PCDHGA5: variants seen among roughly 807,000 people sequenced by gnomAD.
PCDHGA5 encodes protocadherin gamma subfamily A, 5.
PCDHGA5 carries 36 observed loss-of-function variants against 56.7 expected under a neutral mutation model. The observed-to-expected ratio is 0.64, with a 90% CI of 0.49 to 0.84. The LOEUF is 0.84. Among genes scored for constraint, PCDHGA5 ranks in the 40% least tolerant of loss-of-function variants. PCDHGA5 has a pLI of 0.00. For synonymous variants in PCDHGA5, 563 were observed against 520.2 expected, an observed-to-expected ratio of 1.08 and a Z score of -1.12; for missense variants, 1,305 against 1,201.5, an observed-to-expected ratio of 1.09 and a Z score of -1.27.
At position 141,476,591 on chromosome 5, in the gene PCDHGA5, G is replaced by C. The variant is rs200254399; in HGVS notation, c.2422-18216G>C. The C allele has an allele frequency of 6.2e-7, 1 of 1,614,230 alleles. No homozygotes were observed. Among genetic ancestry groups the C allele is most frequent in the East Asian group, 2.2e-5 (1 of 44,870 alleles). On this transcript the variant is annotated intron_variant, in intron 1 of 3. Coordinates refer to ENST00000518069, the MANE Select transcript of PCDHGA5 (RefSeq NM_018918.3). This position sits in a 1 kb window ranked among gnomAD's most constrained non-coding sequence, Gnocchi z 7.6. ...GGGGACGCGCTTTCCGCTCGAGAGCGCGCACGATCCCGATGTGGGAAGCAA... is the reference window on the plus strand; with the variant it reads ...GGGGACGCGCTTTCCGCTCGAGAGCCCGCACGATCCCGATGTGGGAAGCAA...
chr5:141,439,830 C>T (rs2098134193), intron 1 of PCDHGA5: 1 of 152,352 alleles, frequency 6.6e-6, no homozygotes, highest in South Asian at 2.1e-4. Context: ...GCTGGAGCAG[C>T]AGCAACTCTA....
intron 1 of PCDHGA5, chr5:141,390,655 A>G (rs2092202484): frequency 4.9e-6 from 1 of 204,734 alleles, no homozygotes; most frequent in Non-Finnish European, 9.8e-6. Flanking sequence ...GCTTGGATAT[A>G]CCATAAATAT....
intron 1 of PCDHGA5, chr5:141,478,676 G>A (rs540780497): frequency 6.4e-7 from 1 of 1,551,522 alleles, no homozygotes; most frequent in African/African-American, 1.4e-5. Flanking sequence ...CTTTCAACTG[G>A]CCCTTCCTAG....
chr5:141,463,616 T>C (rs941383375), intron 1 of PCDHGA5, among the ~76,000 whole-genome samples: 28 of 151,762 alleles, frequency 1.8e-4, no homozygotes, highest in Non-Finnish European at 2.1e-4. Flanking sequence ...GCCCGGCTAA[T>C]TTTTTGTATT....
chr5:141,375,735 T>G, intron 1 of PCDHGA5: 1 of 1,614,254 alleles, frequency 6.2e-7, no homozygotes. Flanking sequence ...CTGAGCCTGT[T>G]TGTGCTGGAC....
rs369206085 is a variant in PCDHGA5 at position 141,490,515 on chromosome 5, G to A, written c.2422-4292G>A. On this transcript the variant is annotated intron_variant, in intron 1 of 3. Transcript: ENST00000518069. The surrounding 1 kb of genome is among the most constrained non-coding windows in gnomAD (Gnocchi z 5.4). ...CATCCCACTATATCATCGAGCTGCT[G>A]GCCAGCGATGCTGGTTCACCTTCCC... The A allele has an allele frequency of 2.3e-5, 37 of 1,613,840 alleles. No individual in the cohort carries two copies. In the Middle Eastern group the frequency reaches 1.2e-3, roughly 50 times the overall value.
chr5:141,480,380 A>C (rs1192159457), intron 1 of PCDHGA5, among the ~76,000 whole-genome samples: 3 of 151,970 alleles, frequency 2.0e-5, no homozygotes, highest in African/African-American at 4.8e-5. Context: ...GCACCACTAC[A>C]CTTCAACCAT....
chr5:141,425,221 C>T (rs2096862694), intron 1 of PCDHGA5, among the ~76,000 whole-genome samples: 1 of 152,068 alleles, frequency 6.6e-6, no homozygotes, highest in African/African-American at 2.4e-5. Context: ...TGTACTTTGA[C>T]TGGAATTAGT....
At chr5:141,417,213 G>A (rs1470553702) in intron 1 of PCDHGA5, 2 of 152,108 alleles carry the variant, frequency 1.3e-5, no homozygotes, top group African/African-American at 4.8e-5. Context: ...GGCTAGAATT[G>A]AAGACAAAAA....
At position 141,494,820 on chromosome 5, in the gene PCDHGA5, A is replaced by G; in HGVS notation, c.2435A>G (p.Asn812Ser). ...TTTTCTCCACAGCAAGCCCCGCCCA[A>G]CACGGACTGGCGTTTCTCTCAGGCC... ...EERRVQQAPP[N>S]TDWRFSQAQR... Residue 812 changes from asparagine to serine, a missense_variant, in exon 2 of 4, where the codon AAC becomes AGC. By Grantham distance (46) the Asn-to-Ser change is conservative. Transcript: ENST00000518069. 1.2e-6 allele frequency: 2 copies of G among 1,613,988 alleles called. No individual in the cohort carries two copies. Among genetic ancestry groups the G allele is most frequent in the Middle Eastern group, 1.6e-4 (1 of 6,062 alleles).
chr5:141,399,796 C>A (rs62621781), intron 1 of PCDHGA5: 1 of 1,613,212 alleles, frequency 6.2e-7, no homozygotes. Context: ...CAACGCACCG[C>A]GGGTGCTGTA....
chr5:141,385,657 C>T, intron 1 of PCDHGA5: 1 of 611,856 alleles, frequency 1.6e-6, no homozygotes, highest in Admixed American at 4.9e-5. Context: ...ACAAGGTTAG[C>T]AGGAATAAAA....
Position 141,418,737 on chromosome 5 carries a change from C to T in PCDHGA5, c.2421+51986C>T, listed in dbSNP as rs768683069. 7.4e-6 allele frequency: 12 copies of T among 1,613,960 alleles called. No homozygotes were observed. The South Asian group carries it at 1.3e-4, about 18-fold the overall frequency. ...GCTGACAAAGCTCAGCACGTGTTCT[C>T]TCTGGATTACACTACAGGAAACATT... On this transcript the variant is annotated intron_variant, in intron 1 of 3. Coordinates refer to ENST00000518069, the MANE Select transcript of PCDHGA5 (RefSeq NM_018918.3).
At position 141,431,245 on chromosome 5, in the gene PCDHGA5, C is replaced by A. The variant is rs761126985; in HGVS notation, c.2422-63562C>A. The A allele has an allele frequency of 5.0e-6, 8 of 1,614,016 alleles. No individual in the cohort carries two copies. In the Admixed American group the frequency reaches 1.2e-4, roughly 24 times the overall value. On this transcript the variant is annotated intron_variant, in intron 1 of 3. Coordinates refer to ENST00000518069, the MANE Select transcript of PCDHGA5 (RefSeq NM_018918.3). This position sits in a 1 kb window ranked among gnomAD's most constrained non-coding sequence, Gnocchi z 4.8. ...TACCCCACGCCTGGGATCCGGATAT[C>A]GGGAAGAACTCTCTGCAGAGCTACG... is the stretch of plus-strand genomic sequence containing the variant.
At chr5:141,374,566 T>A in intron 1 of PCDHGA5, 1 of 1,613,700 alleles carries the variant, frequency 6.2e-7, no homozygotes, top group Non-Finnish European at 8.5e-7. Context: ...ATGACCCTGA[T>A]GTGGGAATGA....
chr5:141,446,622 G>A (rs1338969669), intron 1 of PCDHGA5, among the ~76,000 whole-genome samples: 13 of 152,044 alleles, frequency 8.6e-5, no homozygotes, highest in East Asian at 1.9e-4. Flanking sequence ...GACTACAGGC[G>A]TGCACCACCA....
chr5:141,409,338 A>C, intron 1 of PCDHGA5: 5 of 1,614,002 alleles, frequency 3.1e-6, no homozygotes, highest in Non-Finnish European at 4.2e-6. Flanking sequence ...TTCGGAGGAA[A>C]TGGAGAAGTC....
intron 1 of PCDHGA5, among the ~76,000 whole-genome samples, chr5:141,492,409 C>T (rs1367119266): frequency 6.6e-6 from 1 of 152,230 alleles, no homozygotes. Context: ...TCCCCTCTGC[C>T]GCTCCCTCCG....
chr5:141,420,335 A>G (rs2096490280), intron 1 of PCDHGA5: 1 of 1,403,918 alleles, frequency 7.1e-7, no homozygotes, highest in Non-Finnish European at 9.5e-7. Flanking sequence ...ATATTCCAAT[A>G]TAGTGGTATT....
Sources: gnomAD v4.1 joint callset for allele counts (sites outside exome capture counted in the v4.1 genomes callset) on GRCh38, gnomAD v4.1.1 for gene constraint, Gnocchi (gnomAD v3.1) non-coding constraint, MANE v1.5 for transcripts, NCBI Gene and HGNC (gene_info 2026-07-23, HGNC 2026-07-21) for gene names.